The following SLC2A10 variants were observed in gnomAD, a reference collection of about 807,000 sequenced individuals.
SLC2A10 encodes solute carrier family 2, facilitated glucose transporter member 10.
In SLC2A10, 25 loss-of-function variants were observed where a neutral mutation model predicts 32.1. That is an observed-to-expected ratio of 0.78 (90% confidence interval 0.57 to 1.09). SLC2A10 has a LOEUF of 1.09. SLC2A10 is among the 50% of genes least tolerant of loss of function. The pLI, the probability that SLC2A10 is intolerant of heterozygous loss-of-function variation, is 0.00. For missense variants in SLC2A10, 673 were observed against 686.5 expected (o/e 0.98, Z 0.22); for synonymous variants, 332 against 309.6 (o/e 1.07, Z -0.76).
chr20:46,713,847 G>C (rs148502875), intron 1 of SLC2A10, among the ~76,000 whole-genome samples: 321 of 152,310 alleles, frequency 2.1e-3, no homozygotes, highest in Non-Finnish European at 3.7e-3. Flanking sequence ...GGACGAGTCA[G>C]TCTCTATCCC....
At chr20:46,717,115 C>T (rs1212677249) in intron 1 of SLC2A10, among the ~76,000 whole-genome samples, 1 of 152,166 alleles carries the variant, frequency 6.6e-6, no homozygotes, top group Non-Finnish European at 1.5e-5. Context: ...TCATATTGCA[C>T]AGCATGGTTA....
chr20:46,733,664 T>G (rs1980411035), intron 4 of SLC2A10, 92 bp from the exon 5 acceptor site: 1 of 946,042 alleles, frequency 1.1e-6, no homozygotes, highest in Non-Finnish European at 1.7e-6. Context: ...GAAGGTGGGA[T>G]TGGGTGGTGG....
chr20:46,729,518 A>G (rs778657035), intron 4 of SLC2A10, 30 bp downstream of exon 4: 1 of 1,608,922 alleles, frequency 6.2e-7, no homozygotes, highest in South Asian at 1.1e-5. Context: ...GGTCTGGGGG[A>G]AGAGCTGTAG....
At chr20:46,709,419 G>A (rs1250147547), upstream of SLC2A10, 5 of 420,936 alleles carry the variant, frequency 1.2e-5, no homozygotes, top group South Asian at 1.4e-4. Flanking sequence ...TCCCCCCCAG[G>A]GGAGGACTAC....
At chr20:46,718,889 C>T (rs1370930164) in intron 1 of SLC2A10, among the ~76,000 whole-genome samples, 2 of 152,180 alleles carry the variant, frequency 1.3e-5, no homozygotes, top group African/African-American at 4.8e-5. Flanking sequence ...AATCCTTCTG[C>T]CTCAGCCTCC....
intron 1 of SLC2A10, among the ~76,000 whole-genome samples, chr20:46,719,501 A>C (rs1344252805): frequency 6.6e-6 from 1 of 152,226 alleles, no homozygotes. Context: ...GCGGCAGGCA[A>C]GAAAGAATGA....
intron 1 of SLC2A10, among the ~76,000 whole-genome samples, chr20:46,712,937 G>A (rs568339586): frequency 6.6e-6 from 1 of 152,090 alleles, no homozygotes; most frequent in South Asian, 2.1e-4. Context: ...TTATAGGCAT[G>A]AGCCACCGAG....
rs113462405 is a variant in SLC2A10, at chr20:46,731,601, TG to T, written c.1547+2119del. ...GTGTCAGCCTGGACCTGGGGTTACA[TG>T]GGGGGAGCCAAGGCCAGCCCTTGGG... On this transcript the variant is annotated intron_variant, in intron 4 of 4. Transcript: ENST00000359271. Among the ~76,000 whole-genome samples the T allele has an allele frequency of 6.9e-3, 1,041 of 151,964 alleles. 11 individuals are homozygous for T. The highest frequency in any genetic ancestry group is 0.024 in the African/African-American group (990 of 41,456).
At chr20:46,709,228 T>A (rs1243279903), upstream of SLC2A10, among the ~76,000 whole-genome samples, 1 of 151,786 alleles carries the variant, frequency 6.6e-6, no homozygotes, top group Admixed American at 6.6e-5. Flanking sequence ...GCGGCTCCAG[T>A]GGGTATGCGC....
chr20:46,712,579 C>T (rs1027450184), intron 1 of SLC2A10, among the ~76,000 whole-genome samples: 2 of 151,836 alleles, frequency 1.3e-5, no homozygotes, highest in East Asian at 1.9e-4. Context: ...TAGGTCAAGC[C>T]GTCTTAATGT....
At chr20:46,722,441 C>T (rs1246712485) in intron 1 of SLC2A10, among the ~76,000 whole-genome samples, 1 of 152,224 alleles carries the variant, frequency 6.6e-6, no homozygotes, top group Non-Finnish European at 1.5e-5. Context: ...TAGCATAAAA[C>T]ATGTGCAGCT....
At position 46,725,802 on chromosome 20, in the gene SLC2A10, A is replaced by G; in HGVS notation, c.766A>G (p.Thr256Ala). 1.2e-6 allele frequency: 2 copies of G among 1,614,176 alleles called. No individual in the cohort carries two copies. The highest frequency in any genetic ancestry group is 8.5e-7 in the Non-Finnish European group (1 of 1,180,026). The part of the protein sequence containing the change: ...GQPNVLCYAS[T>A]IFSSVGFHGG... ...GCCCAACGTGCTGTGCTATGCCTCC[A>G]CCATCTTCAGCTCCGTTGGTTTCCA... is the stretch of plus-strand genomic sequence containing the variant. Residue 256 changes from threonine (T) to alanine (A), a missense_variant, in exon 2 of 5, where the codon ACC (threonine) becomes GCC (alanine). Physicochemically the swap from Thr to Ala is moderately conservative, Grantham distance 58. Transcript: ENST00000359271.
rs201323237 is a variant in SLC2A10 at position 46,725,273 on chromosome 20, C to A, written c.237C>A (p.Leu79=). 11 of 1,614,168 alleles carry A rather than the reference C, an allele frequency of 6.8e-6. No individual in the cohort carries two copies. The East Asian group carries it at 2.0e-4, about 29-fold the overall frequency. ...GCTATGGCAGGAAGCAAGCCATCCT[C>A]GGGAGCAACTTGGTGCTGCTGGCAG... ...IDCYGRKQAI[L]GSNLVLLAGS... Residue 79 remains leucine (L), a synonymous_variant, in exon 2 of 5, where the codon CTC becomes CTA. Transcript: ENST00000359271.
At chr20:46,712,294 T>A (rs1025219558) in intron 1 of SLC2A10, among the ~76,000 whole-genome samples, 1 of 152,162 alleles carries the variant, frequency 6.6e-6, no homozygotes, top group African/African-American at 2.4e-5. Context: ...CCACAGCAGG[T>A]CTCTGGTGCA....
At chr20:46,716,166 T>C (rs1979226188) in intron 1 of SLC2A10, among the ~76,000 whole-genome samples, 1 of 151,874 alleles carries the variant, frequency 6.6e-6, no homozygotes, top group Non-Finnish European at 1.5e-5. Flanking sequence ...TTTTTTTTTT[T>C]TTTTGAGACA....
chr20:46,725,941 C>T lies in SLC2A10; in HGVS notation c.905C>T (p.Ala302Val). 8.7e-6 allele frequency: 14 copies of T among 1,613,946 alleles called. No homozygotes were observed. The highest frequency in any genetic ancestry group is 1.2e-5 in the Non-Finnish European group (14 of 1,180,034). The change falls in exon 2 of 5, where the codon GCT becomes GTT. Residue 302 changes from alanine to valine, a missense_variant. Physicochemically the swap from Ala to Val is moderately conservative, Grantham distance 64. Transcript: ENST00000359271. ...DRAGRRALLL[A>V]GCALMALSVS... ...GCAGGCCGCAGGGCTCTGTTGCTAG[C>T]TGGCTGTGCCCTCATGGCCCTGTCC...
intron 4 of SLC2A10, among the ~76,000 whole-genome samples, chr20:46,730,857 A>G (rs913687328): frequency 6.6e-6 from 1 of 152,200 alleles, no homozygotes; most frequent in African/African-American, 2.4e-5. Context: ...AGCAGGTGAT[A>G]GTCACCAGCT....
rs771702107 is a variant in SLC2A10 at position 46,725,935 on chromosome 20, T to G, written c.899T>G (p.Leu300Trp). 3.1e-6 allele frequency: 5 copies of G among 1,613,854 alleles called. No homozygotes were observed. The Admixed American group carries it at 8.3e-5, about 27-fold the overall frequency. The change falls in exon 2 of 5, where the codon TTG becomes TGG. Residue 300 changes from leucine to tryptophan, a missense_variant. By Grantham distance (61) the Leu-to-Trp change is moderately conservative (BLOSUM62 -2). Transcript: ENST00000359271. ...LVDRAGRRAL[L>W]LAGCALMALS... ...GACCGTGCAGGCCGCAGGGCTCTGT[T>G]GCTAGCTGGCTGTGCCCTCATGGCC...
intron 1 of SLC2A10, among the ~76,000 whole-genome samples, chr20:46,712,976 C>T (rs1044498697): frequency 4.6e-5 from 7 of 152,096 alleles, no homozygotes; most frequent in African/African-American, 4.8e-5. Flanking sequence ...AATTTGAGGA[C>T]GAGGCTTTGC....
Sources: gnomAD v4.1 joint callset for allele counts (sites outside exome capture counted in the v4.1 genomes callset) on GRCh38, gnomAD v4.1.1 for gene constraint, MANE v1.5 for transcripts, NCBI Gene and HGNC (gene_info 2026-07-23, HGNC 2026-07-21) for gene names.